The following DLGAP3 variants were observed in gnomAD, a reference collection of about 807,000 sequenced individuals.
DLGAP3 encodes the protein DLG associated protein 3.
DLGAP3 carries 17 observed loss-of-function variants against 81.2 expected under a neutral mutation model. That is an observed-to-expected ratio of 0.21 (90% CI 0.14 to 0.31). DLGAP3 has a LOEUF of 0.31. Among genes scored for constraint, DLGAP3 ranks in the 10% least tolerant of loss-of-function variants. The pLI is 1.00. For synonymous variants in DLGAP3, 577 were observed against 587.4 expected (o/e 0.98, Z 0.26); for missense variants, 1,124 against 1,388.0 (o/e 0.81, Z 3.02).
chr1:34,885,166 T>TGGCAAG, intron 7 of DLGAP3, 103 bp from the exon 8 acceptor site: 1 of 1,145,604 alleles, frequency 8.7e-7, no homozygotes, highest in Non-Finnish European at 1.3e-6. Flanking sequence ...AGCTGGCAGG[T>TGGCAAG]CCTGCAAAGA....
chr1:34,914,816 G>C (rs989489618), intron 1 of DLGAP3, among the ~76,000 whole-genome samples: 1 of 152,186 alleles, frequency 6.6e-6, no homozygotes, highest in Admixed American at 6.5e-5. Context: ...ATCCATACAT[G>C]ACTTGGTTTG....
At chr1:34,889,657 A>G (rs1004739571) in intron 5 of DLGAP3, among the ~76,000 whole-genome samples, 2 of 152,250 alleles carry the variant, frequency 1.3e-5, no homozygotes, top group Non-Finnish European at 2.9e-5. Flanking sequence ...GCCAGGCAAC[A>G]TCGTGTATAC....
At chr1:34,887,137 A>G (rs978513857) in intron 5 of DLGAP3, among the ~76,000 whole-genome samples, 1 of 151,620 alleles carries the variant, frequency 6.6e-6, no homozygotes, top group Non-Finnish European at 1.5e-5. Flanking sequence ...TTGTATTTCT[A>G]GTAGAGACAG....
At chr1:34,878,610 A>G (rs905780553) in intron 8 of DLGAP3, among the ~76,000 whole-genome samples, 2 of 152,234 alleles carry the variant, frequency 1.3e-5, no homozygotes, top group African/African-American at 4.8e-5. Context: ...GGAAAATGAC[A>G]TATCCACAAT....
Position 34,886,182 on chromosome 1 carries a change from C to A in DLGAP3, c.1490G>T (p.Arg497Leu). Residue 497 changes from arginine to leucine, a missense_variant, in exon 6 of 12, where the codon CGC (arginine) becomes CTC (leucine). Physicochemically the swap from Arg to Leu is moderately radical, Grantham distance 102. Around this residue, in one of 9 missense-constraint regions of DLGAP3, gnomAD observed 357 missense variants for 408.8 expected, o/e 0.87. Coordinates refer to ENST00000373347, the MANE Select transcript of DLGAP3 (RefSeq NM_001080418.3). ...CCGGAGGTAGCTGTGGCTCCGCATGCGGAAACAGCCGGGCAGGTCCAGGGC... is the reference window on the plus strand; with the variant it reads ...CCGGAGGTAGCTGTGGCTCCGCATGAGGAAACAGCCGGGCAGGTCCAGGGC... ...VDALDLPGCF[R>L]MRSHSYLRAI... 6.2e-7 allele frequency: 1 copy of A among 1,610,840 alleles called. No individual in the cohort carries two copies. The highest frequency in any genetic ancestry group is 8.5e-7 in the Non-Finnish European group (1 of 1,179,170).
In DLGAP3 at chr1:34,867,790, T is replaced by A. The variant is rs1638908955; in HGVS notation, c.2486-163A>T. On this transcript the variant is annotated intron_variant, in intron 9 of 11. Coordinates refer to ENST00000373347, the MANE Select transcript of DLGAP3 (RefSeq NM_001080418.3). The surrounding 1 kb of genome is among the most constrained non-coding windows in gnomAD (Gnocchi z 4.3). ...TCCCATCCTCAAGTTCCTAACAAGT[T>A]CTCGCTCCACTACACCAAGACTGTA... 6.6e-6 allele frequency among the ~76,000 whole-genome samples: 1 copy of A among 151,992 alleles called. No homozygotes were observed. Among genetic ancestry groups the A allele is most frequent in the Admixed American group, 6.6e-5 (1 of 15,256 alleles).
rs752876855 is a variant in DLGAP3, at chr1:34,884,975, T to C, written c.2000+3A>G. ...AGCCTGGGCACTCCCACCGTGACTT[T>C]ACCTCTTGTCCTCTTCCACCTGCAC... On this transcript the variant is annotated splice_donor_region_variant and intron_variant, in intron 8 of 11. Transcript: ENST00000373347. 6 of 1,610,708 alleles carry C rather than the reference T, an allele frequency of 3.7e-6. No homozygotes were observed. The Admixed American group carries it at 5.0e-5, about 13-fold the overall frequency.
chr1:34,896,463 C>A (rs1027428855), intron 5 of DLGAP3, among the ~76,000 whole-genome samples: 1 of 152,090 alleles, frequency 6.6e-6, no homozygotes, highest in African/African-American at 2.4e-5. Context: ...GTGGCGCACA[C>A]GTGTAATCCC....
In DLGAP3 at chr1:34,880,269, A is replaced by G. The variant is rs562914727; in HGVS notation, c.2000+4709T>C. 4.6e-5 allele frequency among the ~76,000 whole-genome samples: 7 copies of G among 152,264 alleles called. No individual in the cohort carries two copies. The East Asian group carries it at 1.4e-3, about 29-fold the overall frequency. On this transcript the variant is annotated intron_variant, in intron 8 of 11. Coordinates refer to ENST00000373347, the MANE Select transcript of DLGAP3 (RefSeq NM_001080418.3). ...AGGTCTCACTACGTTGCCCAGGCTC[A>G]TCTTGAACTCCTGATCTCAAGCAAT...
chr1:34,897,999 C>T (rs1569634264), intron 5 of DLGAP3, among the ~76,000 whole-genome samples: 1 of 151,836 alleles, frequency 6.6e-6, no homozygotes, highest in African/African-American at 2.4e-5. Flanking sequence ...CAGCCAGGGG[C>T]GGGAGGGGAT....
intron 5 of DLGAP3, among the ~76,000 whole-genome samples, chr1:34,889,777 A>T (rs978901886): frequency 3.3e-5 from 5 of 152,234 alleles, no homozygotes. Flanking sequence ...CTCACAAGAA[A>T]GCGAGATAAG....
chr1:34,889,035 C>G (rs929271130), intron 5 of DLGAP3, among the ~76,000 whole-genome samples: 1 of 152,198 alleles, frequency 6.6e-6, no homozygotes, highest in Admixed American at 6.5e-5. Context: ...ATCTCTAGCC[C>G]TCTTCTGTGT....
chr1:34,885,662 C>A lies in DLGAP3; in HGVS notation c.1730G>T (p.Arg577Leu). The A allele has an allele frequency of 7.1e-7, 1 of 1,416,224 alleles. No individual in the cohort carries two copies. The highest frequency in any genetic ancestry group is 9.1e-7 in the Non-Finnish European group (1 of 1,094,112). The allele number at this position is 1,416,224 out of a possible 1,614,324, so 87.7% of individuals were successfully genotyped here. ...ESFTAAEGPA[R>L]RCSSADGLDG... ...CAGCCCGTCGGCGGAGCTGCAGCGC[C>A]GGGCGGGGCCCTCGGCCGCCGTGAA... Residue 577 changes from arginine (R) to leucine (L), a missense_variant, in exon 7 of 12, where the codon CGG (arginine) becomes CTG (leucine). Physicochemically the swap from Arg to Leu is moderately radical, Grantham distance 102. This residue lies in a region of DLGAP3 where 379 missense variants were observed against 455.7 expected (regional missense o/e 0.83). Coordinates refer to ENST00000373347, the MANE Select transcript of DLGAP3 (RefSeq NM_001080418.3).
At chr1:34,887,116 G>T (rs745507496) in intron 5 of DLGAP3, among the ~76,000 whole-genome samples, 1 of 151,706 alleles carries the variant, frequency 6.6e-6, no homozygotes, top group Non-Finnish European at 1.5e-5. Flanking sequence ...CACGACGCCC[G>T]GCTAATTTTT....
intron 1 of DLGAP3, among the ~76,000 whole-genome samples, chr1:34,914,097 C>T (rs1250978826): frequency 6.6e-6 from 1 of 152,128 alleles, no homozygotes; most frequent in Non-Finnish European, 1.5e-5. Context: ...GTCTACCACC[C>T]AGCCCCACAT....
chr1:34,889,724 T>C (rs940598565), intron 5 of DLGAP3, among the ~76,000 whole-genome samples: 3 of 152,214 alleles, frequency 2.0e-5, no homozygotes, highest in African/African-American at 7.2e-5. Context: ...TTTCAAAACA[T>C]TGGATGAAAT....
At chr1:34,914,669 G>C (rs538706324) in intron 1 of DLGAP3, among the ~76,000 whole-genome samples, 1 of 152,258 alleles carries the variant, frequency 6.6e-6, no homozygotes, top group East Asian at 1.9e-4. Context: ...ATGTTACAAG[G>C]ACTAAGATAA....
At chr1:34,877,105 G>A (rs995234154) in intron 8 of DLGAP3, among the ~76,000 whole-genome samples, 2 of 152,202 alleles carry the variant, frequency 1.3e-5, no homozygotes, top group African/African-American at 4.8e-5. Context: ...TATAGTGAGA[G>A]GGGGTCTAAG....
At chr1:34,870,769 G>T (rs1638967625) in intron 8 of DLGAP3, among the ~76,000 whole-genome samples, 1 of 152,206 alleles carries the variant, frequency 6.6e-6, no homozygotes, top group Non-Finnish European at 1.5e-5. Flanking sequence ...CTGCCCTGAT[G>T]ATTAGACTGG....
Sources: allele counts gnomAD v4.1 joint callset (sites outside exome capture counted in the v4.1 genomes callset), GRCh38; gene constraint gnomAD v4.1.1; regional missense constraint gnomAD v4.1.1; non-coding constraint Gnocchi (gnomAD v3.1); transcripts MANE v1.5; gene names NCBI Gene and HGNC (gene_info 2026-07-23, HGNC 2026-07-21).